Variants in PRKN observed in about 807,000 individuals in gnomAD.
PRKN encodes E3 ubiquitin-protein ligase parkin.
Under a neutral mutation model 59.5 loss-of-function variants are expected in PRKN, and 56 were observed. The ratio of observed to expected loss-of-function variants is 0.94; its 90% CI spans 0.76 to 1.18. PRKN has a LOEUF of 1.18. Ranked by LOEUF, PRKN falls within the 50% of genes most tolerant of loss-of-function variation. The probability of loss-of-function intolerance (pLI) is 0.00; values close to 1 mark genes in which losing one functional copy is unlikely to be tolerated. For missense variants in PRKN, 657 were observed against 596.4 expected (o/e 1.10, Z -1.06); for synonymous variants, 250 against 222.1 (o/e 1.13, Z -1.12).
Position 162,585,044 on chromosome 6 carries a change from G to A in PRKN, c.8-141571C>T, listed in dbSNP as rs373131038. 3.6e-4 allele frequency among the ~76,000 whole-genome samples: 54 copies of A among 150,900 alleles called. 1 individual carries two copies. The South Asian group carries it at 0.011, about 31-fold the overall frequency. ...GCCTCCCGAGTAGCTGAGATTACAG[G>A]TGCCTGCCACCGTGCCAAGCTAATT... On this transcript the variant is annotated intron_variant, in intron 1 of 11. Coordinates refer to ENST00000366898, the MANE Select transcript of PRKN (RefSeq NM_004562.3).
intron 3 of PRKN, among the ~76,000 whole-genome samples, chr6:162,260,384 C>A (rs1372773003): frequency 1.3e-5 from 2 of 152,064 alleles, no homozygotes. Flanking sequence ...AGAATTTATT[C>A]TCTATTGTTT....
rs1168665386 is a variant in PRKN, at chr6:161,560,321, T to C, written c.933+9034A>G. ...GGCTGCTTTTCATTTCATATTCACA[T>C]CTTTCAAGGCCAGAGGTGAAGATGG... On this transcript the variant is annotated intron_variant, in intron 8 of 11. Transcript: ENST00000366898. The surrounding 1 kb of genome is among the most constrained non-coding windows in gnomAD (Gnocchi z 4.9). Among the ~76,000 whole-genome samples the C allele has an allele frequency of 6.6e-6, 1 of 152,158 alleles. No homozygotes were observed. The highest frequency in any genetic ancestry group is 1.5e-5 in the Non-Finnish European group (1 of 68,026).
chr6:161,418,385 A>G (rs558335721), intron 9 of PRKN, among the ~76,000 whole-genome samples: 1 of 152,312 alleles, frequency 6.6e-6, no homozygotes, highest in East Asian at 1.9e-4. Context: ...AGAAAAGAGC[A>G]ATCTTCACTC....
rs890958819 is a variant in PRKN at position 161,544,394 on chromosome 6, C to A, written c.1083+4460G>T. Among the ~76,000 whole-genome samples, 17 of 151,966 alleles carry A rather than the reference C, an allele frequency of 1.1e-4. No homozygotes were observed. The highest frequency in any genetic ancestry group is 4.1e-4 in the African/African-American group (17 of 41,360). ...TTTTTCAAAGAGCTCTTTGTTGGGG[C>A]AAGGTAAGCAGTTCTAATACTGGGA... On this transcript the variant is annotated intron_variant, in intron 9 of 11. Transcript: ENST00000366898. The surrounding 1 kb of genome is among the most constrained non-coding windows in gnomAD (Gnocchi z 5.5).
At chr6:161,784,877 A>C (rs1790351080) in intron 7 of PRKN, among the ~76,000 whole-genome samples, 1 of 152,260 alleles carries the variant, frequency 6.6e-6, no homozygotes, top group Non-Finnish European at 1.5e-5. Context: ...CAGCAGATGA[A>C]TGGACACACA....
intron 7 of PRKN, among the ~76,000 whole-genome samples, chr6:161,644,381 G>T (rs1309996549): frequency 1.3e-5 from 2 of 152,232 alleles, no homozygotes; most frequent in African/African-American, 4.8e-5. Context: ...TTGTATGTGA[G>T]AGAGTTGCAT....
chr6:162,095,969 A>G (rs1712044710), intron 4 of PRKN, among the ~76,000 whole-genome samples: 1 of 152,196 alleles, frequency 6.6e-6, no homozygotes, highest in African/African-American at 2.4e-5. Context: ...CCATCTGCAG[A>G]AGAGGTCTTG....
chr6:161,815,542 C>T (rs1009666009), intron 6 of PRKN, among the ~76,000 whole-genome samples: 2 of 152,182 alleles, frequency 1.3e-5, no homozygotes, highest in South Asian at 4.1e-4. Context: ...AATTTATCTC[C>T]CTCCCTGAAG....
intron 5 of PRKN, among the ~76,000 whole-genome samples, chr6:162,034,478 T>A (rs1783765742): frequency 6.6e-6 from 1 of 152,122 alleles, no homozygotes; most frequent in Non-Finnish European, 1.5e-5. Flanking sequence ...GAAACAAGCA[T>A]ATTTCCTGCA....
chr6:161,774,432 ACG>A (rs1491563866), intron 7 of PRKN, among the ~76,000 whole-genome samples: 8 of 140,372 alleles, frequency 5.7e-5, no homozygotes, highest in African/African-American at 2.2e-4. Context: ...ACACACACAC[ACG>A]GCGTGGCTAG....
At chr6:162,229,743 T>A (rs1010042723) in intron 3 of PRKN, among the ~76,000 whole-genome samples, 3 of 152,206 alleles carry the variant, frequency 2.0e-5, no homozygotes, top group Non-Finnish European at 4.4e-5. Context: ...GTTCCCTCAA[T>A]CTATCCAGCA....
chr6:161,873,561 G>C (rs1482275669), intron 6 of PRKN, among the ~76,000 whole-genome samples: 3 of 151,428 alleles, frequency 2.0e-5, no homozygotes, highest in African/African-American at 7.3e-5. Context: ...CTGACAGCCA[G>C]AAAAAAATGG....
Position 161,560,625 on chromosome 6 carries a change from A to G in PRKN, c.933+8730T>C, listed in dbSNP as rs1780424324. 6.6e-6 allele frequency among the ~76,000 whole-genome samples: 1 copy of G among 151,998 alleles called. No individual in the cohort carries two copies. The highest frequency in any genetic ancestry group is 2.1e-4 in the South Asian group (1 of 4,818). On this transcript the variant is annotated intron_variant, in intron 8 of 11. Transcript: ENST00000366898. This position sits in a 1 kb window ranked among gnomAD's most constrained non-coding sequence, Gnocchi z 4.9. ...TTCTCATCCTGCTGACCTTTTTCTC[A>G]TCCTTCTATTCGCACGGTCCATCCC...
chr6:161,451,798 T>A lies in PRKN; in HGVS notation c.1084-64921A>T, dbSNP rs999268511. On this transcript the variant is annotated intron_variant, in intron 9 of 11. Transcript: ENST00000366898. The surrounding 1 kb of genome is among the most constrained non-coding windows in gnomAD (Gnocchi z 5.9). ...TTAGAGAATTAGGGGACTGCTTTGG[T>A]CTTGGCAGATTTCCTGGCCAGTCCA... 6.6e-6 allele frequency among the ~76,000 whole-genome samples: 1 copy of A among 152,216 alleles called. No individual in the cohort carries two copies. The highest frequency in any genetic ancestry group is 2.4e-5 in the African/African-American group (1 of 41,454).
chr6:162,710,035 T>C (rs1778472160), intron 1 of PRKN, among the ~76,000 whole-genome samples: 1 of 152,090 alleles, frequency 6.6e-6, no homozygotes, highest in South Asian at 2.1e-4. Flanking sequence ...GGTGTTATCA[T>C]GACAAGGGGG....
At chr6:161,479,080 G>A (rs1186164898) in intron 9 of PRKN, among the ~76,000 whole-genome samples, 1 of 152,094 alleles carries the variant, frequency 6.6e-6, no homozygotes, top group Non-Finnish European at 1.5e-5. Flanking sequence ...AAAATTTCTG[G>A]AATAACAACG....
chr6:161,842,774 T>C (rs1188020475), intron 6 of PRKN, among the ~76,000 whole-genome samples: 1 of 152,058 alleles, frequency 6.6e-6, no homozygotes, highest in Non-Finnish European at 1.5e-5. Flanking sequence ...GGTCTCAAAC[T>C]CCTGACCTCG....
rs1316648677 is a variant in PRKN at position 162,046,629 on chromosome 6, T to G, written c.618+7462A>C. Among the ~76,000 whole-genome samples, 22 of 152,166 alleles carry G rather than the reference T, an allele frequency of 1.4e-4. 1 individual carries two copies. Among genetic ancestry groups the G allele is most frequent in the Admixed American group, 1.4e-3 (22 of 15,278 alleles). On this transcript the variant is annotated intron_variant, in intron 5 of 11. Coordinates refer to ENST00000366898, the MANE Select transcript of PRKN (RefSeq NM_004562.3). ...TGGAGATTATTTTTTCATGTAGCAG[T>G]TTACAAGGAATCTTTAACACTACCA...
intron 5 of PRKN, among the ~76,000 whole-genome samples, chr6:162,024,162 A>AAACAAGGGACTCGT (rs1783323290): frequency 1.4e-5 from 2 of 141,334 alleles, no homozygotes; most frequent in South Asian, 4.5e-4. Flanking sequence ...GTCAGGTACG[A>AAACAAGGGACTCGT]GTCCCTCCCT....
Sources: gnomAD v4.1 joint callset for allele counts (sites outside exome capture counted in the v4.1 genomes callset) on GRCh38, gnomAD v4.1.1 for gene constraint, Gnocchi (gnomAD v3.1) non-coding constraint, MANE v1.5 for transcripts, NCBI Gene and HGNC (gene_info 2026-07-23, HGNC 2026-07-21) for gene names.